The following VOPP1 variants were observed in gnomAD, a reference collection of about 807,000 sequenced individuals.
The protein encoded by VOPP1 is VOPP1 WW domain binding protein, also known as WW domain binding protein VOPP1.
Under a neutral mutation model 23.5 loss-of-function variants are expected in VOPP1, and 8 were observed. The observed-to-expected ratio is 0.34, with a 90% CI of 0.20 to 0.61. The LOEUF is 0.61. Among genes scored for constraint, VOPP1 ranks in the 20% least tolerant of loss-of-function variants. The pLI is 0.78. For synonymous variants in VOPP1, 83 were observed against 97.3 expected (o/e 0.85, Z 0.86); for missense variants, 174 against 238.1 (o/e 0.73, Z 1.77).
At position 55,456,831 on chromosome 7, in the gene VOPP1, G is replaced by A. The variant is rs578032572; in HGVS notation, n.418-20657C>T. On this transcript the variant is annotated intron_variant and non_coding_transcript_variant, in intron 4 of 4. Transcript: ENST00000462326. ...GGGGTCTAGGGGAGGGATGGCATTA[G>A]GAGAAACACCTAATGTAGATGATGG... Among the ~76,000 whole-genome samples, 7 of 152,238 alleles carry A rather than the reference G, an allele frequency of 4.6e-5. No individual in the cohort carries two copies. The South Asian group carries it at 8.3e-4, about 18-fold the overall frequency.
intron 1 of VOPP1, among the ~76,000 whole-genome samples, chr7:55,537,937 G>A (rs1445989811): frequency 6.6e-6 from 1 of 152,178 alleles, no homozygotes; most frequent in Admixed American, 6.5e-5. Context: ...GCGTGAATCT[G>A]GGCTGTCTCC....
At chr7:55,515,342 C>A (rs891249896) in intron 2 of VOPP1, among the ~76,000 whole-genome samples, 13 of 152,214 alleles carry the variant, frequency 8.5e-5, no homozygotes, top group Non-Finnish European at 1.3e-4. Flanking sequence ...GAAAGGCTGC[C>A]TCCCACAGCG....
intron 4 of VOPP1, among the ~76,000 whole-genome samples, chr7:55,442,723 G>A (rs1352604621): frequency 1.3e-5 from 2 of 152,122 alleles, no homozygotes; most frequent in African/African-American, 4.8e-5. Context: ...CAGTGGCAGA[G>A]GGCAGAGGAA....
chr7:55,494,159 A>G (rs1264168118), intron 3 of VOPP1, among the ~76,000 whole-genome samples: 1 of 152,190 alleles, frequency 6.6e-6, no homozygotes, highest in Non-Finnish European at 1.5e-5. Context: ...GTGGTGATGT[A>G]AGGCTTAATG....
chr7:55,551,554 T>A (rs117594931), intron 1 of VOPP1, among the ~76,000 whole-genome samples: 1,673 of 152,332 alleles, frequency 0.011, 11 homozygotes, highest in Middle Eastern at 0.02. Flanking sequence ...TGGTCTAGTT[T>A]TTCCATTTCT....
chr7:55,558,138 C>A (rs1797870359), intron 1 of VOPP1, among the ~76,000 whole-genome samples: 1 of 152,068 alleles, frequency 6.6e-6, no homozygotes, highest in African/African-American at 2.4e-5. Context: ...GGCTGCTGTG[C>A]CACAGAGGTC....
Position 55,572,462 on chromosome 7 carries a change from G to A in VOPP1, c.-138C>T. 2.1e-6 allele frequency: 1 copy of A among 486,180 alleles called. No individual in the cohort carries two copies. The highest frequency in any genetic ancestry group is 2.7e-6 in the Non-Finnish European group (1 of 374,732). The allele number at this position is 486,180 out of a possible 1,614,324, so 30.1% of individuals were successfully genotyped here. A position where few individuals can be genotyped will look rare whatever the true frequency, so the allele number is the denominator to read the frequency against. On this transcript the variant is annotated 5_prime_UTR_variant, in exon 1 of 5. Coordinates refer to ENST00000285279, the MANE Select transcript of VOPP1 (RefSeq NM_030796.5). Reference sequence around the variant, plus strand: ...CCGCTGGGGGGCCCGGCTGGGAGCGGGCGGGAGCCGGGGCGCGCCGCGCAG... The same window carrying A: ...CCGCTGGGGGGCCCGGCTGGGAGCGAGCGGGAGCCGGGGCGCGCCGCGCAG...
intron 4 of VOPP1, among the ~76,000 whole-genome samples, chr7:55,490,814 A>G (rs930694252): frequency 6.6e-6 from 1 of 152,274 alleles, no homozygotes; most frequent in Non-Finnish European, 1.5e-5. Context: ...TTTAAGGCAC[A>G]GCTCTCAGTG....
intron 1 of VOPP1, among the ~76,000 whole-genome samples, chr7:55,528,037 T>C (rs926064920): frequency 6.6e-6 from 1 of 152,134 alleles, no homozygotes; most frequent in African/African-American, 2.4e-5. Flanking sequence ...TGTATGTAAT[T>C]TCAGCAAGTT....
At chr7:55,534,822 A>G (rs1369519412) in intron 1 of VOPP1, among the ~76,000 whole-genome samples, 1 of 152,168 alleles carries the variant, frequency 6.6e-6, no homozygotes, top group Non-Finnish European at 1.5e-5. Context: ...TGGGGAAAGT[A>G]CCACCGCCCA....
In VOPP1 at chr7:55,473,021, T is replaced by C. The variant is rs745951972; in HGVS notation, c.353A>G (p.Tyr118Cys). 91 of 1,598,814 alleles carry C rather than the reference T, an allele frequency of 5.7e-5. No individual in the cohort carries two copies. The highest frequency in any genetic ancestry group is 1.7e-4 in the Middle Eastern group (1 of 6,038). ...GPGAQQPGPP[Y>C]YTDPGGPGMN... The stretch of plus-strand genomic sequence containing the variant: ...CCCCGGTCCTCCTGGGTCGGTGTAA[T>C]AGGGCGGCCCCGGCTGCTGGGCTCC... Residue 118 changes from tyrosine to cysteine, a missense_variant, in exon 5 of 5, where the codon TAT becomes TGT. Coordinates refer to ENST00000285279, the MANE Select transcript of VOPP1 (RefSeq NM_030796.5).
At chr7:55,437,900 T>G (rs967239337) in intron 4 of VOPP1, among the ~76,000 whole-genome samples, 1 of 151,570 alleles carries the variant, frequency 6.6e-6, no homozygotes, top group African/African-American at 2.4e-5. Context: ...TGTTTGTATT[T>G]TTTTTTTTTT....
At chr7:55,489,078 A>G (rs1452679441) in intron 4 of VOPP1, among the ~76,000 whole-genome samples, 1 of 152,204 alleles carries the variant, frequency 6.6e-6, no homozygotes, top group African/African-American at 2.4e-5. Flanking sequence ...GACCAACAGC[A>G]GACAGGACCC....
At chr7:55,526,867 A>G (rs1796221898) in intron 1 of VOPP1, 1 of 152,264 alleles carries the variant, frequency 6.6e-6, no homozygotes, top group Non-Finnish European at 1.5e-5. Context: ...CAAGGACTCC[A>G]TCTTTTTCAA....
At chr7:55,530,125 C>G (rs1796417430) in intron 1 of VOPP1, among the ~76,000 whole-genome samples, 1 of 152,084 alleles carries the variant, frequency 6.6e-6, no homozygotes, top group South Asian at 2.1e-4. Flanking sequence ...GTGGAACTTC[C>G]AGGTCACACA....
chr7:55,460,261 G>T (rs1341581448), intron 4 of VOPP1, among the ~76,000 whole-genome samples: 1 of 152,106 alleles, frequency 6.6e-6, no homozygotes, highest in Non-Finnish European at 1.5e-5. Context: ...AAAATGTGTT[G>T]AGATTTATTT....
intron 4 of VOPP1, among the ~76,000 whole-genome samples, chr7:55,475,243 G>C (rs1159150677): frequency 2.6e-5 from 4 of 152,188 alleles, no homozygotes; most frequent in Non-Finnish European, 5.9e-5. Flanking sequence ...CTCTGGTAAA[G>C]CACTTGGAGC....
chr7:55,449,916 C>A (rs933207188), intron 4 of VOPP1, among the ~76,000 whole-genome samples: 4 of 152,222 alleles, frequency 2.6e-5, no homozygotes, highest in African/African-American at 9.6e-5. Flanking sequence ...AAACCTGTCA[C>A]CCTTGAGGGG....
chr7:55,484,898 G>A (rs1056668562), intron 4 of VOPP1, among the ~76,000 whole-genome samples: 1 of 152,164 alleles, frequency 6.6e-6, no homozygotes, highest in Non-Finnish European at 1.5e-5. Flanking sequence ...TGTGAGGGCA[G>A]CCCCGGGACA....
Sources: gnomAD v4.1 joint callset for allele counts (sites outside exome capture counted in the v4.1 genomes callset) on GRCh38, gnomAD v4.1.1 for gene constraint, MANE v1.5 for transcripts, NCBI Gene and HGNC (gene_info 2026-07-23, HGNC 2026-07-21) for gene names.